FBXL13: variants seen among roughly 807,000 people sequenced by gnomAD.
FBXL13 encodes the protein F-box and leucine rich repeat protein 13, also known as F-box and leucine-rich repeat protein 13.
A neutral mutation model predicts 83.6 loss-of-function variants in FBXL13; 67 were observed. That is an observed-to-expected ratio of 0.80 (90% CI 0.66 to 0.98). The LOEUF is 0.98. Among genes scored for constraint, FBXL13 ranks in the 50% least tolerant of loss-of-function variants. The pLI, the probability that FBXL13 is intolerant of heterozygous loss-of-function variation, is 0.00. For missense variants in FBXL13, 822 were observed against 866.5 expected, an observed-to-expected ratio of 0.95 and a Z score of 0.64; for synonymous variants, 272 against 299.5, an observed-to-expected ratio of 0.91 and a Z score of 0.95.
At chr7:102,821,463 C>T (rs887064875) in intron 19 of FBXL13, among the ~76,000 whole-genome samples, 4 of 152,218 alleles carry the variant, frequency 2.6e-5, no homozygotes, top group African/African-American at 9.6e-5. Context: ...GCCATAACTA[C>T]TTAATTAAGA....
intron 11 of FBXL13, among the ~76,000 whole-genome samples, chr7:102,908,425 T>C (rs1814101708): frequency 6.6e-6 from 1 of 152,220 alleles, no homozygotes; most frequent in Admixed American, 6.5e-5. Context: ...CCTTATTTAG[T>C]TCATTTGGTA....
intron 18 of FBXL13, 129 bp from the exon 20 acceptor site, chr7:102,822,332 T>C: frequency 1.1e-6 from 1 of 890,600 alleles, no homozygotes; most frequent in Admixed American, 1.9e-5. Context: ...CATTTATTTC[T>C]CACAGTTCTA....
intron 15 of FBXL13, 100 bp downstream of exon 16, chr7:102,878,231 C>T: frequency 9.6e-7 from 1 of 1,037,420 alleles, no homozygotes; most frequent in South Asian, 2.9e-5. Flanking sequence ...CTCTGATGTT[C>T]CCCCAAATGT....
At chr7:102,831,908 A>G (rs1562921419) in intron 18 of FBXL13, among the ~76,000 whole-genome samples, 1 of 152,178 alleles carries the variant, frequency 6.6e-6, no homozygotes, top group Non-Finnish European at 1.5e-5. Flanking sequence ...ACTATTATTA[A>G]TCCAGAACCT....
At chr7:103,019,723 G>A (rs1030639637) in intron 6 of FBXL13, among the ~76,000 whole-genome samples, 2 of 152,152 alleles carry the variant, frequency 1.3e-5, no homozygotes, top group African/African-American at 2.4e-5. Flanking sequence ...AGAAAATCTA[G>A]AAGAAATGGA....
At chr7:102,819,793 G>A (rs770543146) in intron 19 of FBXL13, among the ~76,000 whole-genome samples, 4 of 152,186 alleles carry the variant, frequency 2.6e-5, no homozygotes, top group South Asian at 2.1e-4. Context: ...TAGATAGTGA[G>A]CATAGGTAAG....
At chr7:102,983,392 T>A (rs569916190) in intron 6 of FBXL13, among the ~76,000 whole-genome samples, 1 of 151,116 alleles carries the variant, frequency 6.6e-6, no homozygotes, top group East Asian at 1.9e-4. Flanking sequence ...TTCCAACTTA[T>A]AGAAACCCAT....
At chr7:103,043,798 G>C (rs955809136) in intron 2 of FBXL13, among the ~76,000 whole-genome samples, 1 of 152,214 alleles carries the variant, frequency 6.6e-6, no homozygotes, top group African/African-American at 2.4e-5. Flanking sequence ...ACAGGTGTGA[G>C]CCACTGCACC....
chr7:102,928,403 T>A (rs1396983875), intron 9 of FBXL13, among the ~76,000 whole-genome samples: 1 of 152,226 alleles, frequency 6.6e-6, no homozygotes. Flanking sequence ...TTTCATAGGA[T>A]AAGCTTAGAA....
At chr7:102,844,092 C>T (rs1562981864) in intron 17 of FBXL13, among the ~76,000 whole-genome samples, 2 of 152,192 alleles carry the variant, frequency 1.3e-5, no homozygotes, top group African/African-American at 4.8e-5. Flanking sequence ...TGAACCACTA[C>T]CACAGACTTC....
intron 8 of FBXL13, chr7:102,934,469 T>C (rs1819885582): frequency 3.7e-6 from 6 of 1,614,174 alleles, no homozygotes; most frequent in Non-Finnish European, 5.1e-6. Context: ...GAACCGGAAT[T>C]TGGGGAACTA....
intron 17 of FBXL13, among the ~76,000 whole-genome samples, chr7:102,840,590 A>G (rs1402263613): frequency 6.6e-6 from 1 of 152,250 alleles, no homozygotes; most frequent in Admixed American, 6.5e-5. Context: ...GGACAGTCAC[A>G]GCATCCTATG....
At chr7:102,886,998 T>A (rs1810886856) in intron 11 of FBXL13, among the ~76,000 whole-genome samples, 1 of 152,224 alleles carries the variant, frequency 6.6e-6, no homozygotes, top group East Asian at 1.9e-4. Context: ...TATACTTGGA[T>A]AATTTTTCTA....
intron 6 of FBXL13, among the ~76,000 whole-genome samples, chr7:103,001,755 C>T (rs988620629): frequency 3.9e-5 from 6 of 152,174 alleles, no homozygotes; most frequent in East Asian, 3.9e-4. Flanking sequence ...CTTTGGACTC[C>T]GGGAATTTCA....
intron 8 of FBXL13, among the ~76,000 whole-genome samples, chr7:102,938,679 T>C (rs1408298256): frequency 6.6e-6 from 1 of 152,184 alleles, no homozygotes. Flanking sequence ...GGGAAATGTA[T>C]ATTTATATAC....
At chr7:102,997,877 C>G (rs972056746) in intron 6 of FBXL13, among the ~76,000 whole-genome samples, 1 of 152,138 alleles carries the variant, frequency 6.6e-6, no homozygotes, top group South Asian at 2.1e-4. Context: ...CTGCAATAAA[C>G]ATGGGAGTGA....
intron 17 of FBXL13, among the ~76,000 whole-genome samples, chr7:102,847,683 T>G (rs1042926347): frequency 6.6e-6 from 1 of 152,052 alleles, no homozygotes; most frequent in African/African-American, 2.4e-5. Context: ...TGCGCCACTA[T>G]GCCTGGCTAA....
chr7:102,909,489 T>C (rs1814304943), intron 11 of FBXL13, among the ~76,000 whole-genome samples: 1 of 152,128 alleles, frequency 6.6e-6, no homozygotes, highest in Non-Finnish European at 1.5e-5. Flanking sequence ...GCTGGTAATA[T>C]GCTGAGTCTC....
chr7:102,861,807 C>A (rs978173975), intron 16 of FBXL13, among the ~76,000 whole-genome samples: 4 of 151,366 alleles, frequency 2.6e-5, no homozygotes, highest in African/African-American at 9.7e-5. Flanking sequence ...CATGGCAAAA[C>A]CCCATCTCTA....
Sources: allele counts gnomAD v4.1 joint callset (sites outside exome capture counted in the v4.1 genomes callset), GRCh38; gene constraint gnomAD v4.1.1; transcripts MANE v1.5; gene names NCBI Gene and HGNC (gene_info 2026-07-23, HGNC 2026-07-21).